Variants in DGKD observed in about 807,000 individuals in gnomAD.
DGKD encodes the protein diacylglycerol kinase delta.
A neutral mutation model predicts 154.4 loss-of-function variants in DGKD; 68 were observed. The ratio of observed to expected loss-of-function variants is 0.44; its 90% CI spans 0.36 to 0.54. The LOEUF is 0.54. Ranked by LOEUF, DGKD falls within the 20% of genes least tolerant of loss-of-function variation. DGKD has a pLI of 0.00. For missense variants in DGKD, 1,343 were observed against 1,593.6 expected (o/e 0.84, Z 2.68); for synonymous variants, 693 against 638.0 (o/e 1.09, Z -1.30).
chr2:233,395,947 C>T (rs1703996270), intron 3 of DGKD, among the ~76,000 whole-genome samples: 4 of 152,142 alleles, frequency 2.6e-5, no homozygotes, highest in Admixed American at 2.0e-4. Context: ...GAACATGCTA[C>T]TCAATGCTTT....
chr2:233,388,333 G>A lies in DGKD; in HGVS notation c.233G>A (p.Arg78Gln), dbSNP rs760727312. 9 of 1,614,018 alleles carry A rather than the reference G, an allele frequency of 5.6e-6. No homozygotes were observed. Among genetic ancestry groups the A allele is most frequent in the Non-Finnish European group, 6.8e-6 (8 of 1,179,970 alleles). The change falls in exon 2 of 30, where the codon CGA becomes CAA. Residue 78 changes from arginine (R) to glutamine (Q), a missense_variant. Coordinates refer to ENST00000264057, the MANE Select transcript of DGKD (RefSeq NM_152879.3). ...TCAAAAAGGAGATACTTTAAGCTTC[G>A]AGGGCGAACGCTTTACTATGCCAAA... ...QRSKRRYFKL[R>Q]GRTLYYAKTA... is the part of the protein sequence containing the mutation.
intron 16 of DGKD, among the ~76,000 whole-genome samples, chr2:233,450,447 C>T (rs2063238424): frequency 6.6e-6 from 1 of 152,114 alleles, no homozygotes; most frequent in Non-Finnish European, 1.5e-5. Flanking sequence ...CCCAGAACTG[C>T]TCAGAAGGGG....
At chr2:233,357,537 C>CTTTTTTTTTTTTTTTTTT (rs374813757) in intron 1 of DGKD, among the ~76,000 whole-genome samples, 2 of 129,226 alleles carry the variant, frequency 1.5e-5, no homozygotes, top group Non-Finnish European at 1.6e-5. Context: ...TTCTTTCTTT[C>CTTTTTTTTTTTTTTTTTT]TTTTTTTTTT....
chr2:233,429,218 CA>C lies in DGKD; in HGVS notation c.349-5161del. ...AAGGCTGCCGTGGGAGTAGTAGACT[CA>C]GGACCTAAAACATCTCCTTGTTGTC... On this transcript the variant is annotated intron_variant, in intron 3 of 29. Transcript: ENST00000264057. 3 of 985,420 alleles carry C rather than the reference CA, an allele frequency of 3.0e-6. 1 individual carries two copies. The South Asian group carries it at 1.4e-4, about 46-fold the overall frequency. 61.0% of individuals were successfully genotyped at this position (985,420 alleles called of 1,614,324 possible).
At chr2:233,357,521 T>TTTTC (rs1277142871) in intron 1 of DGKD, among the ~76,000 whole-genome samples, 7 of 150,428 alleles carry the variant, frequency 4.7e-5, no homozygotes, top group East Asian at 1.9e-4. Context: ...GTGCATTTCT[T>TTTTC]TTTCTTTCTT....
intron 3 of DGKD, among the ~76,000 whole-genome samples, chr2:233,401,856 G>A (rs200536651): frequency 7.0e-6 from 1 of 143,196 alleles, no homozygotes; most frequent in East Asian, 2.1e-4. Context: ...GGAGGCAGAG[G>A]TTGCAGTGAG....
intron 29 of DGKD, 152 bp from the exon 30 acceptor site, chr2:233,469,219 G>C (rs1357688877): frequency 1.5e-6 from 1 of 659,834 alleles, no homozygotes; most frequent in Non-Finnish European, 2.7e-6. Context: ...TTACTTTTAA[G>C]CTGTTTCCAT....
intron 12 of DGKD, among the ~76,000 whole-genome samples, chr2:233,447,173 C>G (rs1392442174): frequency 1.5e-5 from 2 of 132,464 alleles, no homozygotes; most frequent in African/African-American, 6.4e-5. Flanking sequence ...CTAGCCGGCT[C>G]TGCCGCGGCT....
intron 11 of DGKD, among the ~76,000 whole-genome samples, chr2:233,446,503 C>G (rs567826530): frequency 2.2e-4 from 33 of 152,368 alleles, no homozygotes; most frequent in Admixed American, 5.2e-4. Flanking sequence ...AGACCTTCCT[C>G]TCTTTATGGA....
chr2:233,448,202 G>C, intron 13 of DGKD, 21 bp downstream of exon 13: 1 of 1,614,144 alleles, frequency 6.2e-7, no homozygotes, highest in Non-Finnish European at 8.5e-7. Flanking sequence ...GGTGGCCCTG[G>C]GGAGGGCATG....
At chr2:233,364,921 A>T (rs1319913195) in intron 1 of DGKD, among the ~76,000 whole-genome samples, 4 of 152,230 alleles carry the variant, frequency 2.6e-5, no homozygotes, top group Admixed American at 6.5e-5. Flanking sequence ...GTAAAAGAAT[A>T]GGAAAAGATA....
At chr2:233,462,533 A>C in intron 25 of DGKD, 74 bp downstream of exon 25, 1 of 1,531,576 alleles carries the variant, frequency 6.5e-7, no homozygotes, top group Non-Finnish European at 9.0e-7. Flanking sequence ...GTGCGTGTTC[A>C]TTCCCCCGCC....
chr2:233,451,371 G>A (rs1256302958), intron 17 of DGKD, among the ~76,000 whole-genome samples: 2 of 152,086 alleles, frequency 1.3e-5, no homozygotes, highest in South Asian at 2.1e-4. Context: ...GGCCTGATGA[G>A]GGAACCCGAG....
intron 3 of DGKD, among the ~76,000 whole-genome samples, chr2:233,431,183 C>G (rs1363241369): frequency 6.6e-6 from 1 of 152,198 alleles, no homozygotes; most frequent in African/African-American, 2.4e-5. Flanking sequence ...TATGTACCAA[C>G]AGTGCACAAT....
chr2:233,423,497 C>T (rs907005631), intron 3 of DGKD, among the ~76,000 whole-genome samples: 6 of 152,086 alleles, frequency 3.9e-5, no homozygotes, highest in Admixed American at 2.0e-4. Context: ...TCTCTGATGG[C>T]TAAGGATGTT....
rs1454136798 is a variant in DGKD, at chr2:233,449,984, G to A, written c.1891G>A (p.Val631Ile). The change falls in exon 16 of 30, where the codon GTC becomes ATC. Residue 631 changes from valine to isoleucine, a missense_variant and splice_region_variant. Val to Ile is a conservative substitution (Grantham distance 29). Around this residue, in one of 6 missense-constraint regions of DGKD, gnomAD observed 409 missense variants for 446.0 expected, o/e 0.92. Coordinates refer to ENST00000264057, the MANE Select transcript of DGKD (RefSeq NM_152879.3). This position sits in a 1 kb window ranked among gnomAD's most constrained non-coding sequence, Gnocchi z 5.3. Reference sequence around the variant, plus strand: ...CCGCACACACTCTCCTTGCACAGCTGTCGATGAGCAGAATGCCCAGACCCA... The same window carrying A: ...CCGCACACACTCTCCTTGCACAGCTATCGATGAGCAGAATGCCCAGACCCA... Reference protein sequence around the residue: ...RQIIEHTEKAVDEQNAQTQEQ... With the variant: ...RQIIEHTEKAIDEQNAQTQEQ... The A allele has an allele frequency of 1.3e-6, 2 of 1,598,744 alleles. No individual in the cohort carries two copies.
rs188883576 is a variant in DGKD at position 233,360,194 on chromosome 2, A to T, written c.156+5520A>T. 4.9e-4 allele frequency among the ~76,000 whole-genome samples: 75 copies of T among 152,302 alleles called. 1 individual carries two copies. Among genetic ancestry groups the T allele is most frequent in the Non-Finnish European group, 3.1e-4 (21 of 68,008 alleles). The stretch of plus-strand genomic sequence containing the variant: ...CGTCTGTAGTGGATTTGGCATCTCT[A>T]CCAAATTTGGTCCACCTAGAACTTC... On this transcript the variant is annotated intron_variant, in intron 1 of 29. Transcript: ENST00000264057.
chr2:233,407,943 G>T (rs1009896306), intron 3 of DGKD, among the ~76,000 whole-genome samples: 1 of 151,976 alleles, frequency 6.6e-6, no homozygotes, highest in Non-Finnish European at 1.5e-5. Context: ...TCTTTATCCA[G>T]ATTTCATCAT....
chr2:233,375,307 G>GA (rs769982979), intron 1 of DGKD, among the ~76,000 whole-genome samples: 1 of 151,430 alleles, frequency 6.6e-6, no homozygotes, highest in Non-Finnish European at 1.5e-5. Flanking sequence ...GGAAAAAAAA[G>GA]AAAAAAAAGA....
Sources: allele counts gnomAD v4.1 joint callset (sites outside exome capture counted in the v4.1 genomes callset), GRCh38; gene constraint gnomAD v4.1.1; regional missense constraint gnomAD v4.1.1; non-coding constraint Gnocchi (gnomAD v3.1); transcripts MANE v1.5; gene names NCBI Gene and HGNC (gene_info 2026-07-23, HGNC 2026-07-21).